The following POSTN variants were observed in gnomAD, a reference collection of about 807,000 sequenced individuals.
The protein encoded by POSTN is osteoblast specific factor 2 (fasciclin I-like).
In POSTN, 71 loss-of-function variants were observed where a neutral mutation model predicts 104.5. The ratio of observed to expected loss-of-function variants is 0.68; its 90% CI spans 0.56 to 0.83. The LOEUF is 0.83. Among genes scored for constraint, POSTN ranks in the 40% least tolerant of loss-of-function variants. The pLI, the probability that POSTN is intolerant of heterozygous loss-of-function variation, is 0.00. For synonymous variants in POSTN, 355 were observed against 340.7 expected (o/e 1.04, Z -0.46); for missense variants, 949 against 1,006.8 (o/e 0.94, Z 0.78).
In POSTN at chr13:37,570,467, T is replaced by A. The variant is rs556332002; in HGVS notation, c.2269+113A>T. 7.3e-6 allele frequency: 5 copies of A among 682,130 alleles called. No individual in the cohort carries two copies. In the Admixed American group the frequency reaches 1.3e-4, roughly 18 times the overall value. The allele number at this position is 682,130 out of a possible 1,614,324, so 42.3% of individuals were successfully genotyped here. On this transcript the variant is annotated intron_variant, in intron 19 of 22. Coordinates refer to ENST00000379747, the MANE Select transcript of POSTN (RefSeq NM_006475.3). ...TATCTGCCAAAATATGAAGTAACTT[T>A]AGTAATCACTATGAAAATGACTTGT...
intron 10 of POSTN, among the ~76,000 whole-genome samples, chr13:37,581,527 C>T (rs1271696790): frequency 6.6e-6 from 1 of 152,072 alleles, no homozygotes; most frequent in Non-Finnish European, 1.5e-5. Flanking sequence ...TGAGACCAGC[C>T]TGGGAAATGT....
chr13:37,598,544 A>G lies in POSTN; in HGVS notation c.119+64T>C. ...GGCATATATGAGAAACTTTATGCAT[A>G]CTTGAACATCTAACAAGCTGAGGAA... On this transcript the variant is annotated intron_variant, in intron 1 of 22. Transcript: ENST00000379747. The G allele has an allele frequency of 4.7e-6, 7 of 1,492,872 alleles. No individual in the cohort carries two copies. The East Asian group carries it at 1.4e-4, about 29-fold the overall frequency. 92.5% of individuals were successfully genotyped at this position (1,492,872 alleles called of 1,614,324 possible).
chr13:37,571,699 CAGAT>C (rs1346904891), intron 17 of POSTN, among the ~76,000 whole-genome samples: 1 of 151,654 alleles, frequency 6.6e-6, no homozygotes, highest in Admixed American at 6.6e-5. Flanking sequence ...AGCTTTTAAA[CAGAT>C]GGATAAATCC....
chr13:37,576,494 T>G lies in POSTN; in HGVS notation c.2008+1259A>C, dbSNP rs182193893. 2.8e-3 allele frequency among the ~76,000 whole-genome samples: 428 copies of G among 152,258 alleles called. 1 individual carries two copies. The highest frequency in any genetic ancestry group is 5.3e-3 in the Non-Finnish European group (358 of 68,024). ...ATGTAATTTAGTAGGAGAAAATAATTATATTTTTGCTCATTGTAATCAAGA... is the reference window on the plus strand; with the variant it reads ...ATGTAATTTAGTAGGAGAAAATAATGATATTTTTGCTCATTGTAATCAAGA... On this transcript the variant is annotated intron_variant, in intron 16 of 22. Transcript: ENST00000379747.
At chr13:37,564,870 AT>A in intron 21 of POSTN, 1 of 213,266 alleles carries the variant, frequency 4.7e-6, no homozygotes. Flanking sequence ...GATTTTTTCA[AT>A]CTTTTTGTAA....
In POSTN at chr13:37,589,821, A is replaced by T. The variant is rs1177772100; in HGVS notation, c.441+551T>A. Among the ~76,000 whole-genome samples the T allele has an allele frequency of 3.3e-5, 5 of 152,174 alleles. 1 individual carries two copies. The highest frequency in any genetic ancestry group is 5.9e-5 in the Non-Finnish European group (4 of 68,030). ...TTTTATATCAGTTTTATAGATTCGG[A>T]AATTGAGTAATAATTTAAGGCATTG... On this transcript the variant is annotated intron_variant, in intron 4 of 22. Coordinates refer to ENST00000379747, the MANE Select transcript of POSTN (RefSeq NM_006475.3).
intron 4 of POSTN, 68 bp from the exon 5 acceptor site, chr13:37,588,054 C>G: frequency 8.2e-7 from 1 of 1,223,666 alleles, no homozygotes; most frequent in Non-Finnish European, 1.2e-6. Context: ...TACGATCACC[C>G]TATTTCTACT....
chr13:37,574,439 GC>G, intron 17 of POSTN, 132 bp downstream of exon 17: 1 of 1,231,734 alleles, frequency 8.1e-7, no homozygotes, highest in South Asian at 1.8e-5. Flanking sequence ...ACATGAGCAT[GC>G]CATTGGTATA....
intron 17 of POSTN, among the ~76,000 whole-genome samples, 179 bp downstream of exon 17, chr13:37,574,393 C>T (rs928419398): frequency 6.6e-6 from 1 of 151,780 alleles, no homozygotes; most frequent in African/African-American, 2.4e-5. Context: ...GCATCATCTA[C>T]TTTGCTAAAT....
intron 21 of POSTN, among the ~76,000 whole-genome samples, chr13:37,567,196 A>G (rs1340925806): frequency 8.4e-6 from 1 of 119,528 alleles, no homozygotes; most frequent in East Asian, 2.9e-4. Flanking sequence ...AGATCCCGCC[A>G]CTGCACTCCA....
chr13:37,564,279 C>T (rs1442821970), intron 22 of POSTN, among the ~76,000 whole-genome samples: 1 of 141,920 alleles, frequency 7.0e-6, no homozygotes, highest in East Asian at 2.1e-4. Flanking sequence ...ATATGCCTAG[C>T]AGTTTACATG....
intron 17 of POSTN, among the ~76,000 whole-genome samples, chr13:37,573,668 T>C (rs1950320033): frequency 6.6e-6 from 1 of 151,604 alleles, no homozygotes; most frequent in South Asian, 2.1e-4. Flanking sequence ...ATATAATCTG[T>C]TCTCTTTTTG....
intron 18 of POSTN, chr13:37,571,123 A>T (rs1464421352): frequency 2.5e-6 from 1 of 402,574 alleles, no homozygotes; most frequent in East Asian, 4.2e-5. Flanking sequence ...GTATATGCAA[A>T]AATCATGACA....
chr13:37,581,120 CATCATTGTAAGTCAA>C (rs1950576143), intron 10 of POSTN, among the ~76,000 whole-genome samples: 2 of 152,288 alleles, frequency 1.3e-5, no homozygotes, highest in Admixed American at 1.3e-4. Flanking sequence ...AGACCCTATT[CATCATTGTAAGTCAA>C]ATCATTGACA....
intron 11 of POSTN, 86 bp from the exon 12 acceptor site, chr13:37,580,077 G>A: frequency 2.3e-6 from 3 of 1,285,994 alleles, no homozygotes; most frequent in East Asian, 2.4e-5. Context: ...TAGAATCCAT[G>A]TATTGTGGAA....
At chr13:37,575,524 A>G (rs1332116037) in intron 16 of POSTN, among the ~76,000 whole-genome samples, 1 of 152,128 alleles carries the variant, frequency 6.6e-6, no homozygotes, top group African/African-American at 2.4e-5. Flanking sequence ...GGTTGTACTG[A>G]TTAACTGGAA....
At chr13:37,571,164 A>T in intron 18 of POSTN, 1 of 458,464 alleles carries the variant, frequency 2.2e-6, no homozygotes, top group Non-Finnish European at 3.9e-6. Context: ...TAATAGATAA[A>T]TTAATTCCAA....
At position 37,586,941 on chromosome 13, in the gene POSTN, G is replaced by T. The variant is rs962292519; in HGVS notation, c.607-13C>A. The T allele has an allele frequency of 6.2e-7, 1 of 1,610,356 alleles. No homozygotes were observed. The highest frequency in any genetic ancestry group is 1.1e-5 in the South Asian group (1 of 90,372). On this transcript the variant is annotated splice_polypyrimidine_tract_variant and intron_variant, in intron 5 of 22. Transcript: ENST00000379747. The stretch of plus-strand genomic sequence containing the variant: ...TAACAGTGACAACCTATAATTATTT[G>T]GAAAAATCAAAGTGCTGAAACCAGA...
intron 2 of POSTN, among the ~76,000 whole-genome samples, chr13:37,594,350 T>C (rs765972017): frequency 2.0e-5 from 3 of 152,136 alleles, no homozygotes; most frequent in Admixed American, 6.5e-5. Flanking sequence ...AGAGAATTAA[T>C]GCAGTAGATG....
Sources: allele counts gnomAD v4.1 joint callset (sites outside exome capture counted in the v4.1 genomes callset), GRCh38; gene constraint gnomAD v4.1.1; transcripts MANE v1.5; gene names NCBI Gene and HGNC (gene_info 2026-07-23, HGNC 2026-07-21).